The following C1QTNF3 variants were observed in gnomAD, a reference collection of about 807,000 sequenced individuals.
The protein encoded by C1QTNF3 is C1q and TNF related 3.
C1QTNF3 carries 26 observed loss-of-function variants against 32.6 expected under a neutral mutation model. The ratio of observed to expected loss-of-function variants is 0.80; its 90% confidence interval spans 0.58 to 1.11. The LOEUF (loss-of-function observed/expected upper bound fraction) is 1.11. C1QTNF3 is among the 50% of genes least tolerant of loss of function. The probability of loss-of-function intolerance (pLI) is 0.00; values close to 1 mark genes in which losing one functional copy is unlikely to be tolerated. For synonymous variants in C1QTNF3, 155 were observed against 146.0 expected (o/e 1.06, Z -0.44); for missense variants, 362 against 398.2 (o/e 0.91, Z 0.77).
At chr5:34,096,705 T>TA in the C1QTNF3 span, among the ~76,000 whole-genome samples, 1 of 150,214 alleles carries the variant, frequency 6.7e-6, no homozygotes, top group South Asian at 2.1e-4. Flanking sequence ...GCTAAATAAG[T>TA]AGAGATAGGA....
At chr5:34,118,893 T>C in the C1QTNF3 span, among the ~76,000 whole-genome samples, 2,464 of 152,218 alleles carry the variant, frequency 0.016, 40 homozygotes, top group Non-Finnish European at 0.027. Context: ...GTTCACTATC[T>C]CTCTATCTAA....
chr5:34,235,546 C>CTTTTTT, the C1QTNF3 span, among the ~76,000 whole-genome samples: 220 of 103,610 alleles, frequency 2.1e-3, no homozygotes, highest in Non-Finnish European at 2.8e-3. Flanking sequence ...ATTTCTTTTT[C>CTTTTTT]TTTTTTTTTT....
At chr5:34,060,798 T>A in the C1QTNF3 span, among the ~76,000 whole-genome samples, 56 of 152,260 alleles carry the variant, frequency 3.7e-4, 1 homozygote, top group South Asian at 0.011. Context: ...TTCTACAACA[T>A]GTGGGAATCC....
At chr5:34,035,567 C>T (rs1754715763) in intron 2 of C1QTNF3, 80 bp downstream of exon 2, 2 of 1,059,642 alleles carry the variant, frequency 1.9e-6, no homozygotes, top group South Asian at 1.3e-5. Context: ...GAAGTGATCC[C>T]AAATTATTAA....
the C1QTNF3 span, among the ~76,000 whole-genome samples, chr5:34,208,300 T>C: frequency 1.3e-5 from 2 of 152,264 alleles, no homozygotes; most frequent in Non-Finnish European, 2.9e-5. Flanking sequence ...TCTTCTTTTG[T>C]ACTTATATTT....
chr5:34,110,996 C>G, the C1QTNF3 span, among the ~76,000 whole-genome samples: 8 of 152,088 alleles, frequency 5.3e-5, no homozygotes, highest in South Asian at 2.1e-4. Context: ...AACCTACATC[C>G]AAGGCTCTTT....
the C1QTNF3 span, among the ~76,000 whole-genome samples, chr5:34,157,540 G>C: frequency 6.6e-6 from 1 of 152,300 alleles, no homozygotes; most frequent in South Asian, 2.1e-4. Flanking sequence ...AGTACCTTGA[G>C]ATGAAATTAT....
At chr5:34,166,506 T>C in the C1QTNF3 span, 1 of 152,178 alleles carries the variant, frequency 6.6e-6, no homozygotes. Context: ...TCTGTTCATC[T>C]CTATACTTCA....
At chr5:34,241,950 AG>A in the C1QTNF3 span, among the ~76,000 whole-genome samples, 10 of 104,926 alleles carry the variant, frequency 9.5e-5, no homozygotes, top group East Asian at 2.2e-3. Context: ...GAAGGGAGGG[AG>A]GGAAGGAAGG....
the C1QTNF3 span, among the ~76,000 whole-genome samples, chr5:34,197,917 G>A: frequency 4.6e-5 from 7 of 151,932 alleles, no homozygotes; most frequent in African/African-American, 7.3e-5. Context: ...GGTCAAGGAC[G>A]CTTTTTGGGG....
the C1QTNF3 span, among the ~76,000 whole-genome samples, chr5:34,121,823 A>C: frequency 1.3e-5 from 2 of 152,146 alleles, no homozygotes; most frequent in East Asian, 3.9e-4. Context: ...CATCGGAGTA[A>C]AGCCTTCATG....
At chr5:34,176,089 T>C in the C1QTNF3 span, 5 of 553,908 alleles carry the variant, frequency 9.0e-6, no homozygotes, top group Non-Finnish European at 1.3e-5. Context: ...GACTCACTGA[T>C]GCTAGGGTAA....
intron 3 of C1QTNF3, among the ~76,000 whole-genome samples, chr5:34,030,026 C>T (rs369356736): frequency 8.6e-5 from 13 of 151,976 alleles, no homozygotes; most frequent in Admixed American, 3.3e-4. Flanking sequence ...AAAGATATTA[C>T]GTAAATAACC....
chr5:34,123,947 C>G, the C1QTNF3 span, among the ~76,000 whole-genome samples: 12 of 152,088 alleles, frequency 7.9e-5, no homozygotes, highest in Non-Finnish European at 1.8e-4. Flanking sequence ...ATTTTTTTTG[C>G]ACACAGATGT....
the C1QTNF3 span, among the ~76,000 whole-genome samples, chr5:34,153,988 T>A: frequency 6.6e-6 from 1 of 151,476 alleles, no homozygotes; most frequent in South Asian, 2.1e-4. Flanking sequence ...ATAGTATAGA[T>A]TAATCACATA....
At chr5:34,175,824 T>C in the C1QTNF3 span, 2 of 775,446 alleles carry the variant, frequency 2.6e-6, no homozygotes, top group Admixed American at 1.7e-5. Flanking sequence ...CCACTTACAC[T>C]GGTTAGTCAT....
the C1QTNF3 span, among the ~76,000 whole-genome samples, chr5:34,159,385 C>T: frequency 6.6e-6 from 1 of 151,872 alleles, no homozygotes; most frequent in Non-Finnish European, 1.5e-5. Context: ...CCAAATTATA[C>T]AAATAATATG....
chr5:34,128,923 A>G, the C1QTNF3 span, among the ~76,000 whole-genome samples: 2 of 152,092 alleles, frequency 1.3e-5, no homozygotes, highest in African/African-American at 4.8e-5. Flanking sequence ...GAAGAACATG[A>G]TATTTTAAAG....
At chr5:34,216,489 T>C in the C1QTNF3 span, among the ~76,000 whole-genome samples, 1 of 152,190 alleles carries the variant, frequency 6.6e-6, no homozygotes, top group Non-Finnish European at 1.5e-5. Context: ...ACTTGAAAAT[T>C]TGTACCGATA....
Sources: allele counts gnomAD v4.1 joint callset (sites outside exome capture counted in the v4.1 genomes callset), GRCh38; gene constraint gnomAD v4.1.1; transcripts MANE v1.5; gene names NCBI Gene and HGNC (gene_info 2026-07-23, HGNC 2026-07-21).